The following EPHA6 variants were observed in gnomAD, a reference collection of about 807,000 sequenced individuals.
EPHA6 encodes EPH receptor A6, also known as ephrin type-A receptor 6.
In EPHA6, 50 loss-of-function variants were observed where a neutral mutation model predicts 112.0. The ratio of observed to expected loss-of-function variants is 0.45; its 90% CI spans 0.36 to 0.56. The LOEUF is 0.56. Among genes scored for constraint, EPHA6 ranks in the 20% least tolerant of loss-of-function variants. The pLI, the probability that EPHA6 is intolerant of heterozygous loss-of-function variation, is 0.00. For synonymous variants in EPHA6, 529 were observed against 490.7 expected (o/e 1.08, Z -1.03); for missense variants, 1,280 against 1,417.4 (o/e 0.90, Z 1.56).
In EPHA6 at chr3:97,017,144, A is replaced by T. The variant is rs552780849; in HGVS notation, c.1114+29151A>T. On this transcript the variant is annotated intron_variant, in intron 3 of 17. Coordinates refer to ENST00000389672, the MANE Select transcript of EPHA6 (RefSeq NM_001080448.3). ...ATAAGCACCTTCATAAGAACCAAAA[A>T]TCAGGTGAGCATTCACAGTACCTAG... Among the ~76,000 whole-genome samples, 6 of 152,302 alleles carry T rather than the reference A, an allele frequency of 3.9e-5. No homozygotes were observed. In the East Asian group the frequency reaches 9.7e-4, roughly 25 times the overall value.
At chr3:97,226,132 T>TG in intron 3 of EPHA6, 132 bp from the exon 4 acceptor site, 1 of 601,954 alleles carries the variant, frequency 1.7e-6, no homozygotes, top group Admixed American at 3.7e-5. Flanking sequence ...TTAATATAGA[T>TG]GTCTTCTCTA....
intron 10 of EPHA6, among the ~76,000 whole-genome samples, chr3:97,492,583 A>C (rs61496119): frequency 0.053 from 7,115 of 133,412 alleles, 1,081 homozygotes; most frequent in African/African-American, 0.19. Context: ...AAAAAAAAAA[A>C]AAAAAAAAAA....
intron 3 of EPHA6, among the ~76,000 whole-genome samples, chr3:97,031,178 A>G (rs1422262761): frequency 6.6e-6 from 1 of 152,170 alleles, no homozygotes; most frequent in Non-Finnish European, 1.5e-5. Flanking sequence ...CAAACTTGAC[A>G]AAAACAAGCA....
At chr3:97,550,241 A>G (rs1376960039) in intron 11 of EPHA6, among the ~76,000 whole-genome samples, 2 of 152,228 alleles carry the variant, frequency 1.3e-5, no homozygotes, top group African/African-American at 4.8e-5. Context: ...TCTTGAGCAT[A>G]TCAGTAAGCA....
At chr3:97,457,316 G>T (rs546595437) in intron 7 of EPHA6, among the ~76,000 whole-genome samples, 9 of 152,252 alleles carry the variant, frequency 5.9e-5, no homozygotes, top group African/African-American at 2.2e-4. Context: ...AGAAACACAT[G>T]ATGCTGAGAC....
intron 10 of EPHA6, among the ~76,000 whole-genome samples, chr3:97,491,259 G>A (rs148753953): frequency 6.6e-6 from 1 of 152,254 alleles, no homozygotes; most frequent in East Asian, 1.9e-4. Context: ...AAATAGTATT[G>A]TTTCATTATG....
chr3:97,740,832 A>G (rs1020134496), intron 16 of EPHA6, among the ~76,000 whole-genome samples: 2 of 152,168 alleles, frequency 1.3e-5, no homozygotes, highest in East Asian at 3.9e-4. Flanking sequence ...TAGGCAATAC[A>G]TAATCAGCAT....
At chr3:96,882,141 C>T (rs2037351138) in intron 2 of EPHA6, among the ~76,000 whole-genome samples, 1 of 152,132 alleles carries the variant, frequency 6.6e-6, no homozygotes, top group Non-Finnish European at 1.5e-5. Context: ...GGCAGTGCCC[C>T]TGTAGGAACT....
intron 2 of EPHA6, among the ~76,000 whole-genome samples, chr3:96,981,708 A>G (rs2042793649): frequency 6.6e-6 from 1 of 151,928 alleles, no homozygotes; most frequent in Non-Finnish European, 1.5e-5. Context: ...TTCCTAGGCT[A>G]TTAATTATTG....
At chr3:97,735,405 TG>T (rs1415514107) in intron 15 of EPHA6, among the ~76,000 whole-genome samples, 1 of 151,940 alleles carries the variant, frequency 6.6e-6, no homozygotes, top group East Asian at 1.9e-4. Flanking sequence ...GAAAGCTAAA[TG>T]TAAGAGAATA....
intron 10 of EPHA6, among the ~76,000 whole-genome samples, chr3:97,501,199 C>G (rs1310516938): frequency 6.6e-6 from 1 of 151,840 alleles, no homozygotes; most frequent in Non-Finnish European, 1.5e-5. Context: ...CTTCTATTAC[C>G]CAAGGAATAA....
intron 15 of EPHA6, among the ~76,000 whole-genome samples, chr3:97,723,318 C>T (rs906472016): frequency 3.9e-5 from 6 of 152,120 alleles, no homozygotes; most frequent in East Asian, 1.9e-4. Context: ...CAGTCCAAAC[C>T]CTGTTGTCCA....
intron 3 of EPHA6, among the ~76,000 whole-genome samples, chr3:97,053,830 C>A (rs778088773): frequency 1.3e-5 from 2 of 152,032 alleles, no homozygotes; most frequent in African/African-American, 4.8e-5. Context: ...AAAAGCTTAA[C>A]CTTCAGAGTA....
intron 14 of EPHA6, among the ~76,000 whole-genome samples, chr3:97,720,029 A>G (rs895778660): frequency 6.6e-6 from 1 of 152,216 alleles, no homozygotes; most frequent in Non-Finnish European, 1.5e-5. Context: ...TGAATGAAAT[A>G]AAATATTTCT....
chr3:97,289,392 G>C (rs2080597431), intron 5 of EPHA6, among the ~76,000 whole-genome samples: 1 of 152,074 alleles, frequency 6.6e-6, no homozygotes, highest in Non-Finnish European at 1.5e-5. Context: ...GATGGCTGAA[G>C]TGTACAACTT....
Position 97,754,869 on chromosome 3 carries a change from A to T in EPHA6, c.*6168A>T, listed in dbSNP as rs1032613558. On this transcript the variant is annotated 3_prime_UTR_variant, in exon 18 of 18. Transcript: ENST00000389672. ...CAGGCGTCCGTCACCACGCCCGGCT[A>T]ATTTTTTGTATTTTTAGTAGAGACG... 6.6e-6 allele frequency among the ~76,000 whole-genome samples: 1 copy of T among 152,034 alleles called. No individual in the cohort carries two copies. Among genetic ancestry groups the T allele is most frequent in the Non-Finnish European group, 1.5e-5 (1 of 68,004 alleles).
intron 3 of EPHA6, among the ~76,000 whole-genome samples, chr3:97,062,886 C>G (rs950947288): frequency 6.6e-6 from 1 of 151,672 alleles, no homozygotes; most frequent in Non-Finnish European, 1.5e-5. Context: ...CGGACTAATA[C>G]AGATGTGAAC....
intron 5 of EPHA6, among the ~76,000 whole-genome samples, chr3:97,351,316 T>A (rs1335987750): frequency 6.6e-6 from 1 of 152,218 alleles, no homozygotes; most frequent in East Asian, 1.9e-4. Flanking sequence ...GGCTATTTAG[T>A]GCTTATAAAA....
chr3:97,130,230 T>C (rs2048302206), intron 3 of EPHA6, among the ~76,000 whole-genome samples: 1 of 152,128 alleles, frequency 6.6e-6, no homozygotes, highest in Non-Finnish European at 1.5e-5. Flanking sequence ...TACAGTATTC[T>C]GGGTACCCTT....
Sources: allele counts gnomAD v4.1 joint callset (sites outside exome capture counted in the v4.1 genomes callset), GRCh38; gene constraint gnomAD v4.1.1; transcripts MANE v1.5; gene names NCBI Gene and HGNC (gene_info 2026-07-23, HGNC 2026-07-21).